Variants in LRRC2 observed in about 807,000 individuals in gnomAD.
LRRC2 encodes leucine-rich repeat-containing protein 2.
LRRC2 carries 27 observed loss-of-function variants against 40.2 expected under a neutral mutation model. That is an observed-to-expected ratio of 0.67 (90% confidence interval 0.49 to 0.93). The LOEUF is 0.93. Among genes scored for constraint, LRRC2 ranks in the 40% least tolerant of loss-of-function variants. The pLI is 0.00. For synonymous variants in LRRC2, 147 were observed against 158.9 expected (o/e 0.92, Z 0.56); for missense variants, 402 against 439.6 (o/e 0.91, Z 0.76).
intron 7 of LRRC2, among the ~76,000 whole-genome samples, chr3:46,522,950 C>T (rs1575343723): frequency 6.6e-6 from 1 of 152,224 alleles, no homozygotes; most frequent in East Asian, 1.9e-4. Context: ...ATTGCAGGCC[C>T]TGCTGTCTTG....
rs749701245 is a variant in LRRC2, at chr3:46,545,257, A to C, written c.126-4T>G. On this transcript the variant is annotated splice_polypyrimidine_tract_variant and splice_region_variant and intron_variant, in intron 2 of 8. Coordinates refer to ENST00000395905, the MANE Select transcript of LRRC2 (RefSeq NM_024512.5). The stretch of plus-strand genomic sequence containing the variant: ...AAAGTTCCACTCCTCCTTTATCCTA[A>C]AACAGGCAGCAGGGGTCACAGTTAC... 6.2e-7 allele frequency: 1 copy of C among 1,613,630 alleles called. No individual in the cohort carries two copies. Among genetic ancestry groups the C allele is most frequent in the Non-Finnish European group, 8.5e-7 (1 of 1,179,774 alleles).
At chr3:46,547,150 A>T (rs1281510639) in intron 2 of LRRC2, among the ~76,000 whole-genome samples, 2 of 152,158 alleles carry the variant, frequency 1.3e-5, no homozygotes, top group Non-Finnish European at 2.9e-5. Context: ...CTTCTTAATC[A>T]GATGTTTTGC....
chr3:46,524,674 A>G (rs1409833267), intron 7 of LRRC2, among the ~76,000 whole-genome samples: 1 of 152,210 alleles, frequency 6.6e-6, no homozygotes, highest in Non-Finnish European at 1.5e-5. Context: ...GTTATAAAGG[A>G]TAAGTGTATA....
chr3:46,532,954 G>A, intron 4 of LRRC2, 45 bp from the exon 5 acceptor site: 6 of 1,591,800 alleles, frequency 3.8e-6, no homozygotes, highest in Non-Finnish European at 4.3e-6. Flanking sequence ...GTCGTTTAAG[G>A]TCTTTTAAGA....
rs765717694 is a variant in LRRC2 at position 46,545,089 on chromosome 3, C to T, written c.290G>A (p.Arg97Gln). 7.4e-6 allele frequency: 12 copies of T among 1,613,716 alleles called. No homozygotes were observed. The highest frequency in any genetic ancestry group is 1.3e-5 in the African/African-American group (1 of 75,030). Residue 97 changes from arginine (R) to glutamine (Q), a missense_variant, in exon 3 of 9, where the codon CGG (arginine) becomes CAG (glutamine). Transcript: ENST00000395905. ...AAGTTCAAACACAAACGCACTGCTCCGTTTGCCTCTGTCCTTGGGAAGTGA... is the reference window on the plus strand; with the variant it reads ...AAGTTCAAACACAAACGCACTGCTCTGTTTGCCTCTGTCCTTGGGAAGTGA... ...QSSLPKDRGK[R>Q]SSAFVFELSG...
intron 1 of LRRC2, among the ~76,000 whole-genome samples, chr3:46,552,382 A>AT (rs1704677072): frequency 3.4e-5 from 1 of 29,798 alleles, no homozygotes; most frequent in African/African-American, 1.6e-4. Context: ...ATTTAAATCT[A>AT]AAAAAAAAAA....
chr3:46,557,775 G>A (rs934746787), intron 1 of LRRC2: 1 of 152,176 alleles, frequency 6.6e-6, no homozygotes, highest in African/African-American at 2.4e-5. Flanking sequence ...TGGAGTTGCT[G>A]GGTAACTAAT....
chr3:46,551,597 G>T lies in LRRC2; in HGVS notation c.-6C>A. 1 of 1,606,496 alleles carries T rather than the reference G, an allele frequency of 6.2e-7. No individual in the cohort carries two copies. The highest frequency in any genetic ancestry group is 1.1e-5 in the South Asian group (1 of 88,922). On this transcript the variant is annotated 5_prime_UTR_variant, in exon 2 of 9. Coordinates refer to ENST00000395905, the MANE Select transcript of LRRC2 (RefSeq NM_024512.5). ...ACAACCACTTTATGTCCCATTTTGG[G>T]AGCATGAAATTACCTATTTAAAAAA... is the stretch of plus-strand genomic sequence containing the variant.
chr3:46,522,383 A>C (rs536633918), intron 7 of LRRC2, among the ~76,000 whole-genome samples: 1 of 140,878 alleles, frequency 7.1e-6, no homozygotes, highest in African/African-American at 2.6e-5. Context: ...TCAAAAATAA[A>C]TAAATAAATA....
chr3:46,536,352 C>T (rs910818534), intron 4 of LRRC2, among the ~76,000 whole-genome samples: 2 of 152,160 alleles, frequency 1.3e-5, no homozygotes, highest in African/African-American at 4.8e-5. Context: ...CTTGAATAAT[C>T]GCTTGGAATA....
chr3:46,517,083 A>G lies in LRRC2; in HGVS notation c.*1931T>C, dbSNP rs142648318. ...ATTGAATTGAAAGATGGGTTCTTCA[A>G]TCACATCAGTCATTGTTCAAGTGCT... On this transcript the variant is annotated 3_prime_UTR_variant, in exon 9 of 9. Transcript: ENST00000395905. 6.5e-4 allele frequency: 99 copies of G among 152,306 alleles called. No individual in the cohort carries two copies. Among genetic ancestry groups the G allele is most frequent in the African/African-American group, 2.3e-3 (94 of 41,568 alleles). The allele number at this position is 152,306 out of a possible 1,614,324, so 9.4% of individuals were successfully genotyped here. A position where few individuals can be genotyped will look rare whatever the true frequency, so the allele number is the denominator to read the frequency against.
intron 4 of LRRC2, among the ~76,000 whole-genome samples, chr3:46,535,057 G>GATTT (rs1483687484): frequency 1.3e-5 from 2 of 152,138 alleles, no homozygotes; most frequent in African/African-American, 4.8e-5. Context: ...TGTGAAAATT[G>GATTT]ATTTATTCTA....
At chr3:46,526,852 T>C (rs1196872411) in intron 7 of LRRC2, among the ~76,000 whole-genome samples, 3 of 152,114 alleles carry the variant, frequency 2.0e-5, no homozygotes, top group Non-Finnish European at 1.5e-5. Flanking sequence ...TGGACAAAAA[T>C]GGTCTCAGGT....
chr3:46,539,199 C>A lies in LRRC2; in HGVS notation c.336G>T (p.Glu112Asp), dbSNP rs565672369. 2.5e-6 allele frequency: 4 copies of A among 1,613,360 alleles called. No homozygotes were observed. The highest frequency in any genetic ancestry group is 2.2e-5 in the South Asian group (2 of 90,880). Reference sequence around the variant, plus strand: ...TCTGCTCCTTCAATGAATCTGGGAGCTCCTAAAATAGAAAGAATGACATCA... The same window carrying A: ...TCTGCTCCTTCAATGAATCTGGGAGATCCTAAAATAGAAAGAATGACATCA... ...VFELSGEHWT[E>D]LPDSLKEQTH... Residue 112 changes from glutamate to aspartate, a missense_variant and splice_region_variant, in exon 4 of 9, where the codon GAG becomes GAT. Transcript: ENST00000395905.
intron 6 of LRRC2, among the ~76,000 whole-genome samples, chr3:46,529,352 G>A (rs1284430549): frequency 6.6e-6 from 1 of 152,240 alleles, no homozygotes; most frequent in East Asian, 1.9e-4. Context: ...CAAGGCAGAA[G>A]GATTGCTTGT....
intron 1 of LRRC2, among the ~76,000 whole-genome samples, chr3:46,563,457 TC>T (rs1228290053): frequency 6.6e-6 from 1 of 151,530 alleles, no homozygotes; most frequent in Non-Finnish European, 1.5e-5. Flanking sequence ...CCACGCCTCT[TC>T]CCCCTCAGAG....
At chr3:46,559,092 T>C (rs1487739716) in intron 1 of LRRC2, 1 of 152,272 alleles carries the variant, frequency 6.6e-6, no homozygotes, top group African/African-American at 2.4e-5. Flanking sequence ...ATAAAAATGA[T>C]AGGTAAAAGA....
intron 6 of LRRC2, among the ~76,000 whole-genome samples, 155 bp downstream of exon 6, chr3:46,529,750 A>G (rs1704125779): frequency 6.6e-6 from 1 of 152,260 alleles, no homozygotes; most frequent in Non-Finnish European, 1.5e-5. Flanking sequence ...GTCTTATTCT[A>G]TAATTTCCTC....
intron 1 of LRRC2, among the ~76,000 whole-genome samples, chr3:46,562,829 A>G (rs1704975204): frequency 6.6e-6 from 1 of 151,968 alleles, no homozygotes; most frequent in Non-Finnish European, 1.5e-5. Context: ...CCTGGGTTCA[A>G]GCAATTCTTC....
Sources: allele counts gnomAD v4.1 joint callset (sites outside exome capture counted in the v4.1 genomes callset), GRCh38; gene constraint gnomAD v4.1.1; transcripts MANE v1.5; gene names NCBI Gene and HGNC (gene_info 2026-07-23, HGNC 2026-07-21).